Variants in SGPL1 observed in about 807,000 individuals in gnomAD.
SGPL1 encodes sphingosine-1-phosphate lyase 1, also known as SP-lyase 1.
In SGPL1, 37 loss-of-function variants were observed where a neutral mutation model predicts 68.9. That is an observed-to-expected ratio of 0.54 (90% CI 0.41 to 0.71). The LOEUF (loss-of-function observed/expected upper bound fraction) is 0.71. Ranked by LOEUF, SGPL1 falls within the 30% of genes least tolerant of loss-of-function variation. The pLI is 0.00. For missense variants in SGPL1, 551 were observed against 704.6 expected, an observed-to-expected ratio of 0.78 and a Z score of 2.47; for synonymous variants, 236 against 248.5, an observed-to-expected ratio of 0.95 and a Z score of 0.47.
chr10:70,864,071 ATTT>A (rs3998627), intron 7 of SGPL1, among the ~76,000 whole-genome samples: 35 of 149,410 alleles, frequency 2.3e-4, no homozygotes, highest in South Asian at 1.5e-3. Flanking sequence ...ATAGGTTTAA[ATTT>A]TTTTTTTTTG....
In SGPL1 at chr10:70,879,780, T is replaced by G. The variant is rs952761767; in HGVS notation, c.*2445T>G. ...AGTTTGACTTAACACTTTTGTAGGC[T>G]TTTCATTGTGTATTTTTGTGTATGT... On this transcript the variant is annotated 3_prime_UTR_variant, in exon 15 of 15. Coordinates refer to ENST00000373202, the MANE Select transcript of SGPL1 (RefSeq NM_003901.4). The G allele has an allele frequency of 6.6e-6, 1 of 152,626 alleles. No homozygotes were observed. The highest frequency in any genetic ancestry group is 1.5e-5 in the Non-Finnish European group (1 of 68,036). 9.5% of individuals were successfully genotyped at this position (152,626 alleles called of 1,614,324 possible). A position where few individuals can be genotyped will look rare whatever the true frequency, so the allele number is the denominator to read the frequency against.
At chr10:70,857,841 G>C in intron 6 of SGPL1, 151 bp downstream of exon 6, 1 of 506,654 alleles carries the variant, frequency 2.0e-6, no homozygotes, top group East Asian at 3.5e-5. Context: ...CCCAAACATA[G>C]GCGAATATGT....
chr10:70,825,922 C>A (rs1399532020), intron 2 of SGPL1, among the ~76,000 whole-genome samples: 1 of 152,198 alleles, frequency 6.6e-6, no homozygotes, highest in African/African-American at 2.4e-5. Context: ...TGGCTCACGC[C>A]TGTAATCCCA....
At chr10:70,849,032 T>C (rs1845835853) in intron 3 of SGPL1, among the ~76,000 whole-genome samples, 1 of 152,204 alleles carries the variant, frequency 6.6e-6, no homozygotes. Flanking sequence ...GATCTTTTTA[T>C]TTTTAGTTTC....
intron 2 of SGPL1, among the ~76,000 whole-genome samples, chr10:70,818,411 G>A (rs1465363916): frequency 6.6e-6 from 1 of 152,120 alleles, no homozygotes; most frequent in African/African-American, 2.4e-5. Context: ...GGCGTGAGCC[G>A]CCGTGTCCAG....
chr10:70,867,762 C>T (rs12783010), intron 7 of SGPL1, among the ~76,000 whole-genome samples: 17,500 of 152,046 alleles, frequency 0.12, 1,235 homozygotes, highest in Non-Finnish European at 0.16. Flanking sequence ...CTAGGCCAAA[C>T]TTTAGGAAAA....
chr10:70,861,281 A>G (rs1368238587), intron 7 of SGPL1, among the ~76,000 whole-genome samples: 2 of 152,200 alleles, frequency 1.3e-5, no homozygotes, highest in Non-Finnish European at 2.9e-5. Context: ...TGCAAAGGAT[A>G]GGATGAGAAG....
At chr10:70,871,793 G>A in intron 10 of SGPL1, 44 bp from the exon 11 acceptor site, 2 of 1,594,974 alleles carry the variant, frequency 1.3e-6, no homozygotes, top group Middle Eastern at 3.5e-4. Context: ...TTATTATAGG[G>A]CTATAAAGGA....
chr10:70,851,461 C>CG lies in SGPL1; in HGVS notation c.261+251_261+252insG, dbSNP rs1845880066. 2.0e-5 allele frequency among the ~76,000 whole-genome samples: 3 copies of CG among 151,902 alleles called. No individual in the cohort carries two copies. The South Asian group carries it at 6.2e-4, about 32-fold the overall frequency. ...CCTACAGTGTACAGGGCAGCCCCCCCCCACCCACCAAACACAGAATTATCT... is the reference window on the plus strand; with the variant it reads ...CCTACAGTGTACAGGGCAGCCCCCCCGCCACCCACCAAACACAGAATTATCT... On this transcript the variant is annotated intron_variant, in intron 4 of 14. Coordinates refer to ENST00000373202, the MANE Select transcript of SGPL1 (RefSeq NM_003901.4).
At chr10:70,874,625 A>G (rs983764331) in intron 12 of SGPL1, among the ~76,000 whole-genome samples, 1 of 152,220 alleles carries the variant, frequency 6.6e-6, no homozygotes, top group Non-Finnish European at 1.5e-5. Context: ...CAGGAGGCTG[A>G]GGCAGGAGAA....
At position 70,873,043 on chromosome 10, in the gene SGPL1, G is replaced by A. The variant is rs557411501; in HGVS notation, c.1060-308G>A. On this transcript the variant is annotated intron_variant, in intron 11 of 14. Coordinates refer to ENST00000373202, the MANE Select transcript of SGPL1 (RefSeq NM_003901.4). ...TACCCTTGCTTTCATCCTGACATAT[G>A]GTCTCCAGAGAAATATTTTAAATAA... Among the ~76,000 whole-genome samples, 5 of 152,244 alleles carry A rather than the reference G, an allele frequency of 3.3e-5. No individual in the cohort carries two copies. The East Asian group carries it at 9.6e-4, about 29-fold the overall frequency.
chr10:70,875,308 A>G, intron 12 of SGPL1, 94 bp from the exon 13 acceptor site: 1 of 802,562 alleles, frequency 1.2e-6, no homozygotes, highest in Non-Finnish European at 2.0e-6. Flanking sequence ...CATTCATTAT[A>G]AGGAAGACTT....
intron 5 of SGPL1, among the ~76,000 whole-genome samples, chr10:70,855,453 C>T (rs1683931): frequency 0.99 from 150,345 of 152,376 alleles, 74,205 homozygotes; most frequent in Middle Eastern, 1. Context: ...TGGATTCATA[C>T]CTTGGTTTGC....
rs1231416882 is a variant in SGPL1 at position 70,877,798 on chromosome 10, C to T, written c.*463C>T. 6.9e-6 allele frequency: 1 copy of T among 144,736 alleles called. No individual in the cohort carries two copies. Among genetic ancestry groups the T allele is most frequent in the African/African-American group, 2.6e-5 (1 of 38,422 alleles). 9.0% of individuals were successfully genotyped at this position (144,736 alleles called of 1,614,324 possible). A position where few individuals can be genotyped will look rare whatever the true frequency, so the allele number is the denominator to read the frequency against. On this transcript the variant is annotated 3_prime_UTR_variant, in exon 15 of 15. Transcript: ENST00000373202. Reference sequence around the variant, plus strand: ...TACTCTAAGCAGGAGGCTTTTTCAGCCTTCTCTCTCTTTTTTTTTTTTTTT... The same window carrying T: ...TACTCTAAGCAGGAGGCTTTTTCAGTCTTCTCTCTCTTTTTTTTTTTTTTT...
rs1436299184 is a variant in SGPL1 at position 70,869,903 on chromosome 10, T to C, written c.810+6T>C. On this transcript the variant is annotated splice_donor_region_variant and intron_variant, in intron 9 of 14. Coordinates refer to ENST00000373202, the MANE Select transcript of SGPL1 (RefSeq NM_003901.4). The stretch of plus-strand genomic sequence containing the variant: ...TGATGGAGGTGGATGTGCGGGTGAG[T>C]CCCTCTGGAGGGCCCACTGTCTGTG... The C allele has an allele frequency of 6.2e-7, 1 of 1,611,740 alleles. No individual in the cohort carries two copies. Among genetic ancestry groups the C allele is most frequent in the African/African-American group, 1.3e-5 (1 of 74,888 alleles).
intron 2 of SGPL1, chr10:70,820,510 C>A (rs970582370): frequency 6.6e-6 from 1 of 152,116 alleles, no homozygotes; most frequent in South Asian, 2.1e-4. Flanking sequence ...CGTGGTGGCT[C>A]ATGCCTGTAA....
In SGPL1 at chr10:70,857,666, G is replaced by A. The variant is rs772718155; in HGVS notation, c.462G>A (p.Glu154=). The A allele has an allele frequency of 1.2e-6, 2 of 1,612,484 alleles. No homozygotes were observed. The highest frequency in any genetic ancestry group is 1.7e-6 in the Non-Finnish European group (2 of 1,179,154). ...RASGTVYSGE[E]KLTELLVKAY... ...CTGGAACAGTGTACAGTGGGGAGGA[G>A]AAGCTCACTGAGCTCCTTGTGAAGG... The change falls in exon 6 of 15, where the codon GAG becomes GAA. Residue 154 remains glutamate, a synonymous_variant. Transcript: ENST00000373202.
At chr10:70,847,189 C>T (rs1401135708) in intron 3 of SGPL1, among the ~76,000 whole-genome samples, 2 of 151,948 alleles carry the variant, frequency 1.3e-5, no homozygotes, top group Non-Finnish European at 2.9e-5. Flanking sequence ...ACTCTGTCAC[C>T]CAGGCTGGAG....
At chr10:70,834,455 G>T (rs1054295867) in intron 2 of SGPL1, among the ~76,000 whole-genome samples, 2 of 152,136 alleles carry the variant, frequency 1.3e-5, no homozygotes, top group African/African-American at 4.8e-5. Context: ...GACTATAGGT[G>T]GTCTCTAAGG....
Sources: allele counts gnomAD v4.1 joint callset (sites outside exome capture counted in the v4.1 genomes callset), GRCh38; gene constraint gnomAD v4.1.1; transcripts MANE v1.5; gene names NCBI Gene and HGNC (gene_info 2026-07-23, HGNC 2026-07-21).